The following PRKX variants were observed in gnomAD, a reference collection of about 807,000 sequenced individuals.
PRKX encodes the protein cAMP-dependent protein kinase catalytic subunit PRKX.
A neutral mutation model predicts 22.0 loss-of-function variants in PRKX; 12 were observed. That is an observed-to-expected ratio of 0.54 (90% CI 0.35 to 0.88). The LOEUF is 0.88. Among genes scored for constraint, PRKX ranks in the 40% least tolerant of loss-of-function variants. PRKX has a pLI of 0.01. For missense variants in PRKX, 217 were observed against 308.0 expected, an observed-to-expected ratio of 0.70 and a Z score of 2.21; for synonymous variants, 134 against 137.7, an observed-to-expected ratio of 0.97 and a Z score of 0.19.
At chrX:3,624,896 G>A (rs746359671) in intron 5 of PRKX, among the ~76,000 whole-genome samples, 12 of 111,513 alleles carry the variant, frequency 1.1e-4, no homozygotes, top group Middle Eastern at 4.6e-3. Context: ...CTGAAGTGCT[G>A]GGATTACAGG....
intron 1 of PRKX, among the ~76,000 whole-genome samples, chrX:3,689,286 GTTC>G (rs1379521996): frequency 8.9e-6 from 1 of 112,710 alleles, no homozygotes; most frequent in Non-Finnish European, 1.9e-5. Flanking sequence ...GAAACACGCA[GTTC>G]TTCTTTACGA....
intron 1 of PRKX, among the ~76,000 whole-genome samples, chrX:3,698,522 G>A (rs1430070605): frequency 1.8e-5 from 2 of 109,415 alleles, no homozygotes; most frequent in African/African-American, 6.8e-5. Flanking sequence ...TGTTGTTGTT[G>A]TTGTTTTGTT....
chrX:3,648,201 G>C (rs750045261), intron 3 of PRKX, among the ~76,000 whole-genome samples: 3 of 111,561 alleles, frequency 2.7e-5, no homozygotes, highest in Non-Finnish European at 5.6e-5. Context: ...TAGGCCTTGT[G>C]AATCACATGG....
In PRKX at chrX:3,713,513, G is replaced by A. The variant is rs1399011426; in HGVS notation, c.-260C>T. On this transcript the variant is annotated 5_prime_UTR_variant, in exon 1 of 9. Coordinates refer to ENST00000262848, the MANE Select transcript of PRKX (RefSeq NM_005044.5). ...GGGGGGCGGGCACCGAGTGCGGGAC[G>A]ACTGCGGGGAAGGCGGGGGCCGCGG... 1.3e-5 allele frequency: 3 copies of A among 229,103 alleles called. No homozygotes were observed. The highest frequency in any genetic ancestry group is 2.3e-5 in the Non-Finnish European group (3 of 127,763). The allele number at this position is 229,103 out of a possible 1,213,427, so 18.9% of individuals were successfully genotyped here.
At chrX:3,614,940 G>A (rs1926385114) in intron 7 of PRKX, among the ~76,000 whole-genome samples, 1 of 105,862 alleles carries the variant, frequency 9.4e-6, no homozygotes, top group South Asian at 4.2e-4. Context: ...TCCACACATT[G>A]CTTAACTTCT....
At chrX:3,654,119 T>C (rs1224300846) in intron 3 of PRKX, among the ~76,000 whole-genome samples, 1 of 88,627 alleles carries the variant, frequency 1.1e-5, no homozygotes, top group African/African-American at 4.3e-5. Flanking sequence ...GTATAATATA[T>C]ACTATATAGA....
intron 1 of PRKX, among the ~76,000 whole-genome samples, chrX:3,708,196 C>A (rs995973706): frequency 1.8e-5 from 2 of 111,477 alleles, no homozygotes; most frequent in African/African-American, 3.3e-5. Context: ...CCCCTTCCAC[C>A]ATGTGAGGAC....
In PRKX at chrX:3,607,278, G is replaced by C. The variant is rs1366241434; in HGVS notation, c.*1691C>G. ...CTTAAAAAAATATGGAATGCTGCATGAATCTGCAGATCTTCCTCGCGCAGG... is the reference window on the plus strand; with the variant it reads ...CTTAAAAAAATATGGAATGCTGCATCAATCTGCAGATCTTCCTCGCGCAGG... On this transcript the variant is annotated 3_prime_UTR_variant, in exon 9 of 9. Transcript: ENST00000262848. The C allele has an allele frequency of 3.6e-5, 4 of 111,997 alleles. No individual in the cohort carries two copies. The East Asian group carries it at 1.1e-3, about 31-fold the overall frequency. 9.2% of individuals were successfully genotyped at this position (111,997 alleles called of 1,213,427 possible).
At chrX:3,697,602 G>C (rs73625736) in intron 1 of PRKX, among the ~76,000 whole-genome samples, 2,387 of 108,953 alleles carry the variant, frequency 0.022, 68 homozygotes, top group African/African-American at 0.077. Context: ...CTGGAGTAGA[G>C]TGGTGTGATT....
intron 1 of PRKX, among the ~76,000 whole-genome samples, chrX:3,686,274 T>C (rs1012257617): frequency 1.8e-5 from 2 of 111,538 alleles, no homozygotes; most frequent in African/African-American, 6.5e-5. Flanking sequence ...TCAGCTCCTT[T>C]ATTCCAAAAG....
chrX:3,660,847 G>A (rs1927579943), intron 2 of PRKX, among the ~76,000 whole-genome samples: 1 of 110,691 alleles, frequency 9.0e-6, no homozygotes, highest in Admixed American at 9.8e-5. Flanking sequence ...TGTAGAGGAA[G>A]AGAGTTAGGG....
chrX:3,618,469 C>CAAAGA (rs200655664), intron 6 of PRKX, among the ~76,000 whole-genome samples: 9,665 of 17,096 alleles, frequency 0.57, 356 homozygotes, highest in South Asian at 0.7. Flanking sequence ...CAATTTTTTT[C>CAAAGA]TTAGATCTTA....
intron 1 of PRKX, among the ~76,000 whole-genome samples, chrX:3,681,469 C>G (rs998060332): frequency 6.4e-5 from 7 of 108,973 alleles, no homozygotes; most frequent in Non-Finnish European, 1.3e-4. Flanking sequence ...CTGGACAACA[C>G]AGTGAGACCC....
intron 4 of PRKX, among the ~76,000 whole-genome samples, chrX:3,639,566 TG>T (rs1157848420): frequency 5.8e-5 from 1 of 17,119 alleles, no homozygotes; most frequent in Non-Finnish European, 1.1e-4. Flanking sequence ...ATGAAGGGGT[TG>T]GGGGGTAGGT....
intron 1 of PRKX, among the ~76,000 whole-genome samples, chrX:3,689,737 G>A (rs1928265818): frequency 9.0e-6 from 1 of 111,684 alleles, no homozygotes. Context: ...CAACACTTTG[G>A]GAGGCCAAGG....
chrX:3,655,308 G>T lies in PRKX; in HGVS notation c.440C>A (p.Thr147Asn), dbSNP rs1486271475. Residue 147 changes from threonine to asparagine, a missense_variant, in exon 3 of 9, where the codon ACC becomes AAC. Transcript: ENST00000262848. Reference protein sequence around the residue: ...YLRNRGRFSSTTGLFYSAEII... With the variant: ...YLRNRGRFSSNTGLFYSAEII... ...CTCTGCAGAGTAGAAGAGCCCCGTG[G>T]TGCTGGAGAAGCGCCCCCGGTTGCG... The T allele has an allele frequency of 8.2e-7, 1 of 1,212,181 alleles. No homozygotes were observed. The highest frequency in any genetic ancestry group is 1.8e-5 in the South Asian group (1 of 57,026).
At chrX:3,627,022 A>G (rs1435349100) in intron 4 of PRKX, among the ~76,000 whole-genome samples, 1 of 111,971 alleles carries the variant, frequency 8.9e-6, no homozygotes, top group Non-Finnish European at 1.9e-5. Flanking sequence ...ATATGAAAAA[A>G]AATGCTCAAC....
intron 4 of PRKX, among the ~76,000 whole-genome samples, chrX:3,634,333 G>A (rs1300736930): frequency 9.0e-6 from 1 of 110,659 alleles, no homozygotes; most frequent in Non-Finnish European, 1.9e-5. Context: ...TGGGAGATGA[G>A]AAAGGGGAAC....
intron 1 of PRKX, among the ~76,000 whole-genome samples, chrX:3,712,244 A>G (rs1325156209): frequency 9.0e-6 from 1 of 111,127 alleles, no homozygotes; most frequent in African/African-American, 3.3e-5. Context: ...TTGACAGCCA[A>G]CACCCCACTT....
Sources: gnomAD v4.1 joint callset for allele counts (sites outside exome capture counted in the v4.1 genomes callset) on GRCh38, gnomAD v4.1.1 for gene constraint, MANE v1.5 for transcripts, NCBI Gene and HGNC (gene_info 2026-07-23, HGNC 2026-07-21) for gene names.